The following ZDHHC14 variants were observed in gnomAD, a reference collection of about 807,000 sequenced individuals.
The protein encoded by ZDHHC14 is zDHHC palmitoyltransferase 14, also known as palmitoyltransferase ZDHHC14.
Under a neutral mutation model 47.7 loss-of-function variants are expected in ZDHHC14, and 16 were observed. The observed-to-expected ratio is 0.34, with a 90% confidence interval of 0.23 to 0.51. The LOEUF (loss-of-function observed/expected upper bound fraction) is 0.51, where lower values mean the gene tolerates loss of function less well. ZDHHC14 is among the 20% of genes least tolerant of loss of function. The probability of loss-of-function intolerance (pLI) is 0.97; values close to 1 mark genes in which losing one functional copy is unlikely to be tolerated. For missense variants in ZDHHC14, 515 were observed against 662.5 expected (o/e 0.78, Z 2.44); for synonymous variants, 293 against 278.9 (o/e 1.05, Z -0.50).
At chr6:157,613,700 A>G (rs946804193) in intron 3 of ZDHHC14, among the ~76,000 whole-genome samples, 1 of 152,074 alleles carries the variant, frequency 6.6e-6, no homozygotes, top group Non-Finnish European at 1.5e-5. Flanking sequence ...CATCCATCTC[A>G]TCATCTGAAA....
chr6:157,527,653 C>G (rs934936776), intron 1 of ZDHHC14, among the ~76,000 whole-genome samples: 1 of 152,184 alleles, frequency 6.6e-6, no homozygotes, highest in African/African-American at 2.4e-5. Context: ...AGCTGTTTTT[C>G]TGTGGCCTTG....
At position 157,654,325 on chromosome 6, in the gene ZDHHC14, C is replaced by A. The variant is rs78920224; in HGVS notation, c.1068+698C>A. ...CTCAGCCTGGCCTGGTCCTGACCAT[C>A]AGTGTCTTAAGATTCCCTAGGTGTC... On this transcript the variant is annotated intron_variant, in intron 8 of 8. Coordinates refer to ENST00000359775, the MANE Select transcript of ZDHHC14 (RefSeq NM_024630.3). Among the ~76,000 whole-genome samples, 150 of 152,296 alleles carry A rather than the reference C, an allele frequency of 9.8e-4. 1 individual carries two copies. In the South Asian group the frequency reaches 0.015, roughly 15 times the overall value.
chr6:157,469,073 G>C (rs1320365889), intron 1 of ZDHHC14, among the ~76,000 whole-genome samples: 4 of 152,156 alleles, frequency 2.6e-5, no homozygotes, highest in Non-Finnish European at 4.4e-5. Flanking sequence ...CAAAATTGTT[G>C]GCTAGGTGAA....
intron 1 of ZDHHC14, among the ~76,000 whole-genome samples, chr6:157,534,885 C>G (rs1040575893): frequency 2.6e-5 from 4 of 152,156 alleles, no homozygotes; most frequent in Non-Finnish European, 4.4e-5. Flanking sequence ...CCGGCCTCTT[C>G]CTGGAATTTT....
chr6:157,542,804 TG>T, intron 2 of ZDHHC14, 59 bp downstream of exon 2: 5 of 1,576,318 alleles, frequency 3.2e-6, no homozygotes, highest in Non-Finnish European at 4.3e-6. Context: ...CCAGCTACAG[TG>T]GGGACGGCAG....
intron 1 of ZDHHC14, among the ~76,000 whole-genome samples, chr6:157,519,523 G>A (rs1322962896): frequency 6.6e-6 from 1 of 152,180 alleles, no homozygotes; most frequent in African/African-American, 2.4e-5. Context: ...TTTTCTAAAA[G>A]GTGCCGTCTT....
intron 8 of ZDHHC14, among the ~76,000 whole-genome samples, chr6:157,667,109 C>T (rs1778585562): frequency 6.6e-6 from 1 of 152,188 alleles, no homozygotes; most frequent in Non-Finnish European, 1.5e-5. Flanking sequence ...TCATATGATT[C>T]AACCTAATAT....
intron 2 of ZDHHC14, among the ~76,000 whole-genome samples, chr6:157,556,995 A>AG (rs1436106880): frequency 6.6e-6 from 1 of 152,114 alleles, no homozygotes; most frequent in African/African-American, 2.4e-5. Flanking sequence ...AGAGACACTG[A>AG]GGGAGGACTC....
At chr6:157,574,378 G>A (rs548005802) in intron 2 of ZDHHC14, among the ~76,000 whole-genome samples, 12 of 152,202 alleles carry the variant, frequency 7.9e-5, no homozygotes, top group East Asian at 3.9e-4. Context: ...AGCCGAGATC[G>A]CGCCACTGCA....
In ZDHHC14 at chr6:157,531,532, G is replaced by A. The variant is rs536074454; in HGVS notation, c.246-11053G>A. Among the ~76,000 whole-genome samples the A allele has an allele frequency of 1.1e-4, 17 of 151,842 alleles. 2 individuals are homozygous for A. In the South Asian group the frequency reaches 1.9e-3, roughly 17 times the overall value. On this transcript the variant is annotated intron_variant, in intron 1 of 8. Coordinates refer to ENST00000359775, the MANE Select transcript of ZDHHC14 (RefSeq NM_024630.3). ...GCCCACTGAGTTGGTTCCCTCCACC[G>A]TTCCTCAACACCTGTGTCTCCACAC...
intron 4 of ZDHHC14, chr6:157,630,736 C>G (rs1042962205): frequency 3.0e-5 from 4 of 133,620 alleles, no homozygotes; most frequent in African/African-American, 6.9e-5. Context: ...CACCGCCTTA[C>G]ACACACATAC....
intron 2 of ZDHHC14, among the ~76,000 whole-genome samples, chr6:157,561,113 C>T (rs1306839714): frequency 1.3e-5 from 2 of 152,218 alleles, no homozygotes; most frequent in East Asian, 1.9e-4. Flanking sequence ...CTGTGCAAGG[C>T]GGTCCTTTAT....
intron 1 of ZDHHC14, among the ~76,000 whole-genome samples, chr6:157,481,588 TC>T (rs762089020): frequency 1.6e-4 from 24 of 152,244 alleles, no homozygotes; most frequent in Non-Finnish European, 2.9e-4. Context: ...TAGAATCACT[TC>T]CTCCATTACT....
intron 1 of ZDHHC14, among the ~76,000 whole-genome samples, chr6:157,415,803 G>A (rs1296369735): frequency 6.6e-6 from 1 of 152,010 alleles, no homozygotes; most frequent in Non-Finnish European, 1.5e-5. Context: ...GAACCTGGGA[G>A]GCAGAGATTG....
intron 1 of ZDHHC14, among the ~76,000 whole-genome samples, chr6:157,520,929 A>AT (rs1033648165): frequency 2.6e-5 from 4 of 152,120 alleles, no homozygotes; most frequent in African/African-American, 9.7e-5. Context: ...GTTCTAGACC[A>AT]TTTTTTTAAT....
intron 1 of ZDHHC14, among the ~76,000 whole-genome samples, chr6:157,531,513 T>G (rs138573016): frequency 0.017 from 2,588 of 151,822 alleles, 24 homozygotes; most frequent in Non-Finnish European, 0.024. Flanking sequence ...TCCGGCCCAC[T>G]GAGTTGGTTC....
intron 1 of ZDHHC14, among the ~76,000 whole-genome samples, chr6:157,498,531 G>A (rs990074942): frequency 1.3e-5 from 2 of 152,122 alleles, no homozygotes; most frequent in East Asian, 1.9e-4. Context: ...TCAGTGACTC[G>A]AGGGATTTGG....
intron 1 of ZDHHC14, among the ~76,000 whole-genome samples, chr6:157,504,208 CTTGT>C (rs1165263396): frequency 4.6e-5 from 7 of 151,550 alleles, no homozygotes; most frequent in Admixed American, 2.0e-4. Flanking sequence ...TTTTTGTTTG[CTTGT>C]TTGTTTGTTT....
At chr6:157,475,916 A>G (rs1779469802) in intron 1 of ZDHHC14, among the ~76,000 whole-genome samples, 1 of 152,156 alleles carries the variant, frequency 6.6e-6, no homozygotes. Context: ...ATGAAAATGG[A>G]AGTACATCAT....
Sources: gnomAD v4.1 joint callset for allele counts (sites outside exome capture counted in the v4.1 genomes callset) on GRCh38, gnomAD v4.1.1 for gene constraint, MANE v1.5 for transcripts, NCBI Gene and HGNC (gene_info 2026-07-23, HGNC 2026-07-21) for gene names.